Variants in NRP1 observed in about 807,000 individuals in gnomAD.
NRP1 encodes the protein neuropilin-1.
In NRP1, 35 loss-of-function variants were observed where a neutral mutation model predicts 106.7. The observed-to-expected ratio is 0.33, with a 90% CI of 0.25 to 0.43. The LOEUF is 0.43. Ranked by LOEUF, NRP1 falls within the 20% of genes least tolerant of loss-of-function variation. The pLI is 1.00. For synonymous variants in NRP1, 437 were observed against 417.9 expected, an observed-to-expected ratio of 1.05 and a Z score of -0.56; for missense variants, 1,024 against 1,170.4, an observed-to-expected ratio of 0.87 and a Z score of 1.83.
intron 10 of NRP1, among the ~76,000 whole-genome samples, chr10:33,205,198 A>C (rs1837670747): frequency 6.6e-6 from 1 of 152,232 alleles, no homozygotes; most frequent in Admixed American, 6.5e-5. Flanking sequence ...TGAAGGGAGA[A>C]GAAAAGCATT....
At chr10:33,263,565 T>G in intron 4 of NRP1, 81 bp downstream of exon 4, 1 of 985,736 alleles carries the variant, frequency 1.0e-6, no homozygotes, top group Non-Finnish European at 1.5e-6. Flanking sequence ...TAATGATTCA[T>G]GTATCATGAG....
At chr10:33,271,773 C>T (rs1001138632) in intron 2 of NRP1, among the ~76,000 whole-genome samples, 7 of 152,320 alleles carry the variant, frequency 4.6e-5, no homozygotes, top group African/African-American at 1.7e-4. Flanking sequence ...CACCAATACA[C>T]TAGTGTCCCC....
Position 33,270,938 on chromosome 10 carries a change from C to T in NRP1, c.249-82G>A, listed in dbSNP as rs970517260. 8 of 1,227,476 alleles carry T rather than the reference C, an allele frequency of 6.5e-6. No homozygotes were observed. The African/African-American group carries it at 1.2e-4, about 19-fold the overall frequency. The allele number at this position is 1,227,476 out of a possible 1,614,324, so 76.0% of individuals were successfully genotyped here. A position where few individuals can be genotyped will look rare whatever the true frequency, so the allele number is the denominator to read the frequency against. ...CAATAATTTAGACACCAGCATCATC[C>T]AGCATAGTGTGCCAGGAAGAAAAAA... is the stretch of plus-strand genomic sequence containing the variant. On this transcript the variant is annotated intron_variant, in intron 2 of 16. Coordinates refer to ENST00000374867, the MANE Select transcript of NRP1 (RefSeq NM_003873.7).
intron 2 of NRP1, among the ~76,000 whole-genome samples, chr10:33,295,190 A>G (rs949073771): frequency 1.3e-5 from 2 of 152,200 alleles, no homozygotes; most frequent in African/African-American, 2.4e-5. Flanking sequence ...ATAGGAAAGC[A>G]TGAATCCCTA....
At chr10:33,316,671 A>G (rs1166873356) in intron 2 of NRP1, among the ~76,000 whole-genome samples, 1 of 152,188 alleles carries the variant, frequency 6.6e-6, no homozygotes. Flanking sequence ...GTGGGGAGAA[A>G]ACCAAGATGG....
intron 7 of NRP1, among the ~76,000 whole-genome samples, chr10:33,223,923 A>G (rs755442953): frequency 6.6e-5 from 10 of 152,052 alleles, no homozygotes; most frequent in Non-Finnish European, 1.0e-4. Context: ...GGGGAGGTGC[A>G]TTTTCCTCCC....
chr10:33,329,757 C>T (rs1291342129), intron 2 of NRP1, among the ~76,000 whole-genome samples: 3 of 152,192 alleles, frequency 2.0e-5, no homozygotes, highest in Non-Finnish European at 4.4e-5. Context: ...GGAGACTACA[C>T]CACTTTCAGT....
chr10:33,254,250 T>A, intron 5 of NRP1, 56 bp from the exon 6 acceptor site: 1 of 1,490,154 alleles, frequency 6.7e-7, no homozygotes, highest in Non-Finnish European at 9.0e-7. Flanking sequence ...TAAGATGCAT[T>A]TTTCTTTTTT....
At position 33,260,151 on chromosome 10, in the gene NRP1, A is replaced by G. The variant is rs1434249204; in HGVS notation, c.658+3495T>C. 2.6e-5 allele frequency among the ~76,000 whole-genome samples: 4 copies of G among 152,180 alleles called. No homozygotes were observed. The East Asian group carries it at 7.7e-4, about 29-fold the overall frequency. Reference sequence around the variant, plus strand: ...AGTGATGGGATTACAGGAGTAAGCCACCACACCTGGCCTAAAGGTATCCTT... The same window carrying G: ...AGTGATGGGATTACAGGAGTAAGCCGCCACACCTGGCCTAAAGGTATCCTT... On this transcript the variant is annotated intron_variant, in intron 4 of 16. Transcript: ENST00000374867.
At chr10:33,274,706 C>G (rs1394508130) in intron 2 of NRP1, among the ~76,000 whole-genome samples, 1 of 152,136 alleles carries the variant, frequency 6.6e-6, no homozygotes, top group African/African-American at 2.4e-5. Context: ...ACCAACCCCC[C>G]AGGCTTCCGG....
At chr10:33,188,154 G>A (rs190124960) in intron 13 of NRP1, among the ~76,000 whole-genome samples, 34 of 152,018 alleles carry the variant, frequency 2.2e-4, no homozygotes, top group African/African-American at 8.0e-4. Flanking sequence ...CACCACGATG[G>A]GAAAAAAATA....
intron 6 of NRP1, among the ~76,000 whole-genome samples, chr10:33,244,068 T>A (rs1017856290): frequency 6.6e-6 from 1 of 151,946 alleles, no homozygotes; most frequent in Non-Finnish European, 1.5e-5. Context: ...AAATGGTGCA[T>A]AAAATGAGAA....
At chr10:33,216,140 CT>C (rs71521489) in intron 8 of NRP1, among the ~76,000 whole-genome samples, 135 of 138,998 alleles carry the variant, frequency 9.7e-4, no homozygotes, top group South Asian at 2.1e-3. Flanking sequence ...TTCTTTCTTT[CT>C]TTTTTTTTTT....
At position 33,177,807 on chromosome 10, in the gene NRP1, G is replaced by T. The variant is rs1225448696; in HGVS notation, c.*2269C>A. ...AGAAAGTTTTATAGATTTCCATAAA[G>T]AAAAAATATGTTATTTTACACCTTT... On this transcript the variant is annotated 3_prime_UTR_variant, in exon 17 of 17. Transcript: ENST00000374867. 1 of 152,404 alleles carries T rather than the reference G, an allele frequency of 6.6e-6. No homozygotes were observed. Among genetic ancestry groups the T allele is most frequent in the East Asian group, 1.9e-4 (1 of 5,176 alleles). 9.4% of individuals were successfully genotyped at this position (152,404 alleles called of 1,614,324 possible).
At chr10:33,309,635 CT>C (rs1272468491) in intron 2 of NRP1, among the ~76,000 whole-genome samples, 1 of 152,238 alleles carries the variant, frequency 6.6e-6, no homozygotes, top group Non-Finnish European at 1.5e-5. Flanking sequence ...ACATCAGCAG[CT>C]TTCTGTAGCA....
chr10:33,323,955 G>A (rs1315699908), intron 2 of NRP1, among the ~76,000 whole-genome samples: 1 of 152,180 alleles, frequency 6.6e-6, no homozygotes, highest in East Asian at 1.9e-4. Flanking sequence ...GCTCCCTAAA[G>A]TGAAATCTCG....
chr10:33,273,020 C>T (rs1267124948), intron 2 of NRP1, among the ~76,000 whole-genome samples: 1 of 144,574 alleles, frequency 6.9e-6, no homozygotes, highest in Non-Finnish European at 1.5e-5. Context: ...TTCACATATC[C>T]TCCAATAGTA....
chr10:33,197,522 G>T, intron 12 of NRP1, 128 bp downstream of exon 12: 1 of 575,456 alleles, frequency 1.7e-6, no homozygotes, highest in Non-Finnish European at 3.0e-6. Flanking sequence ...TATGGCTCAT[G>T]CTTGGAGACC....
intron 3 of NRP1, among the ~76,000 whole-genome samples, chr10:33,265,046 G>A (rs549596781): frequency 6.6e-6 from 1 of 151,652 alleles, no homozygotes; most frequent in East Asian, 1.9e-4. Context: ...GGAGGCAGAG[G>A]TTGCAGTGAG....
Sources: allele counts gnomAD v4.1 joint callset (sites outside exome capture counted in the v4.1 genomes callset), GRCh38; gene constraint gnomAD v4.1.1; transcripts MANE v1.5; gene names NCBI Gene and HGNC (gene_info 2026-07-23, HGNC 2026-07-21).